Variants in GRB14 observed in about 807,000 individuals in gnomAD.
GRB14 encodes growth factor receptor bound protein 14, also known as growth factor receptor-bound protein 14.
Under a neutral mutation model 69.1 loss-of-function variants are expected in GRB14, and 38 were observed. That is an observed-to-expected ratio of 0.55 (90% CI 0.42 to 0.72). GRB14 has a LOEUF of 0.72. Among genes scored for constraint, GRB14 ranks in the 30% least tolerant of loss-of-function variants. GRB14 has a pLI of 0.00. For synonymous variants in GRB14, 247 were observed against 241.3 expected (o/e 1.02, Z -0.22); for missense variants, 666 against 666.1 (o/e 1.00, Z 0.00).
intron 3 of GRB14, among the ~76,000 whole-genome samples, chr2:164,542,800 A>G (rs1320956360): frequency 6.6e-6 from 1 of 152,222 alleles, no homozygotes; most frequent in Non-Finnish European, 1.5e-5. Flanking sequence ...GTGGAATGTA[A>G]ATTAGTTCAG....
intron 13 of GRB14, 64 bp from the exon 14 acceptor site, chr2:164,493,246 G>T: frequency 2.7e-6 from 4 of 1,457,460 alleles, no homozygotes; most frequent in South Asian, 1.3e-5. Flanking sequence ...AATCATATTC[G>T]ATTGCAAACT....
intron 6 of GRB14, among the ~76,000 whole-genome samples, chr2:164,513,292 G>A (rs1687387869): frequency 6.6e-6 from 1 of 151,702 alleles, no homozygotes; most frequent in African/African-American, 2.4e-5. Flanking sequence ...GTAGTGGATT[G>A]AATAGTAGCC....
At chr2:164,556,305 A>T (rs1000709106) in intron 2 of GRB14, among the ~76,000 whole-genome samples, 17 of 152,212 alleles carry the variant, frequency 1.1e-4, no homozygotes, top group Non-Finnish European at 2.1e-4. Context: ...AAAACAGTAT[A>T]TAGTTTTGAG....
intron 2 of GRB14, among the ~76,000 whole-genome samples, chr2:164,593,731 AG>A (rs1344800011): frequency 6.6e-6 from 1 of 152,192 alleles, no homozygotes. Flanking sequence ...GTCTCTCGGC[AG>A]GGGCAGAACA....
intron 12 of GRB14, among the ~76,000 whole-genome samples, chr2:164,496,163 A>G (rs1200094180): frequency 6.6e-6 from 1 of 152,208 alleles, no homozygotes; most frequent in Non-Finnish European, 1.5e-5. Context: ...TCAGTATTAA[A>G]TCACCTTGAA....
At position 164,500,803 on chromosome 2, in the gene GRB14, A is replaced by G. The variant is rs538467031; in HGVS notation, c.1104+1452T>C. On this transcript the variant is annotated intron_variant, in intron 9 of 13. Coordinates refer to ENST00000263915, the MANE Select transcript of GRB14 (RefSeq NM_004490.3). Reference sequence around the variant, plus strand: ...CACTGAACAAGGAAAGCTACACTAAACTGTTATCCACATCTAGATCAATAG... The same window carrying G: ...CACTGAACAAGGAAAGCTACACTAAGCTGTTATCCACATCTAGATCAATAG... Among the ~76,000 whole-genome samples the G allele has an allele frequency of 2.0e-3, 299 of 152,200 alleles. 5 individuals are homozygous for G. The highest frequency in any genetic ancestry group is 0.017 in the South Asian group (81 of 4,822).
At chr2:164,568,929 T>C (rs1028562247) in intron 2 of GRB14, among the ~76,000 whole-genome samples, 5 of 152,150 alleles carry the variant, frequency 3.3e-5, no homozygotes, top group African/African-American at 7.2e-5. Context: ...TTCTATGGTA[T>C]AATAAAAGAG....
In GRB14 at chr2:164,515,511, G is replaced by A. The variant is rs117543520; in HGVS notation, c.816+6469C>T. On this transcript the variant is annotated intron_variant, in intron 6 of 13. Coordinates refer to ENST00000263915, the MANE Select transcript of GRB14 (RefSeq NM_004490.3). ...AGGAAGCCACATCCCTAGGGGAAGA[G>A]GGAGAGCACCATATTAAGGGAGCAC... Among the ~76,000 whole-genome samples the A allele has an allele frequency of 1.4e-3, 207 of 152,284 alleles. 6 individuals are homozygous for A. The East Asian group carries it at 0.033, about 24-fold the overall frequency.
intron 1 of GRB14, chr2:164,620,086 C>A (rs1188073327): frequency 1.2e-5 from 3 of 243,244 alleles, no homozygotes; most frequent in East Asian, 7.2e-5. Context: ...CCTCCCCCCC[C>A]CACCGCCTTC....
At chr2:164,527,452 A>C (rs971662844) in intron 3 of GRB14, among the ~76,000 whole-genome samples, 1 of 151,696 alleles carries the variant, frequency 6.6e-6, no homozygotes, top group South Asian at 2.1e-4. Flanking sequence ...TGTAAATAAT[A>C]TAAGTTTGAT....
At chr2:164,578,587 T>C (rs1447557085) in intron 2 of GRB14, among the ~76,000 whole-genome samples, 1 of 147,944 alleles carries the variant, frequency 6.8e-6, no homozygotes. Flanking sequence ...AAAAAGATAA[T>C]CTCATCAGTG....
chr2:164,612,240 T>C (rs6755113), intron 2 of GRB14, among the ~76,000 whole-genome samples: 117,483 of 152,152 alleles, frequency 0.77, 46,017 homozygotes, highest in Admixed American at 0.82. Flanking sequence ...CCACTGCATG[T>C]AACAATACGT....
At chr2:164,532,984 A>T (rs1351811672) in intron 3 of GRB14, among the ~76,000 whole-genome samples, 2 of 152,026 alleles carry the variant, frequency 1.3e-5, no homozygotes, top group Non-Finnish European at 2.9e-5. Flanking sequence ...TGGATGGTGT[A>T]GGTCCCAAGT....
At chr2:164,589,549 G>A (rs74557800) in intron 2 of GRB14, among the ~76,000 whole-genome samples, 1 of 152,080 alleles carries the variant, frequency 6.6e-6, no homozygotes, top group Non-Finnish European at 1.5e-5. Context: ...GGAAGCAAGA[G>A]AGAGAAAGGA....
intron 2 of GRB14, among the ~76,000 whole-genome samples, chr2:164,582,768 G>C (rs140720490): frequency 8.9e-4 from 136 of 152,172 alleles, no homozygotes; most frequent in Middle Eastern, 3.4e-3. Context: ...GGAACCTTCA[G>C]GTCTCCATAA....
At chr2:164,535,906 C>T (rs1039663275) in intron 3 of GRB14, among the ~76,000 whole-genome samples, 2 of 152,178 alleles carry the variant, frequency 1.3e-5, no homozygotes, top group African/African-American at 4.8e-5. Flanking sequence ...TTAACTCCGA[C>T]CCAACCATTG....
intron 6 of GRB14, among the ~76,000 whole-genome samples, chr2:164,517,872 T>A (rs958357984): frequency 6.6e-6 from 1 of 152,142 alleles, no homozygotes; most frequent in Admixed American, 6.5e-5. Flanking sequence ...TATAAAACAA[T>A]TTCTACTAGA....
At chr2:164,591,502 G>C (rs1351893314) in intron 2 of GRB14, among the ~76,000 whole-genome samples, 2 of 152,080 alleles carry the variant, frequency 1.3e-5, no homozygotes, top group African/African-American at 4.8e-5. Context: ...AAGGGAAAAG[G>C]CTATTCTGTT....
At chr2:164,544,430 G>T (rs1244556368) in intron 3 of GRB14, among the ~76,000 whole-genome samples, 1 of 151,994 alleles carries the variant, frequency 6.6e-6, no homozygotes, top group African/African-American at 2.4e-5. Flanking sequence ...CCCCCCGAAA[G>T]AAAAATTTAA....
Sources: gnomAD v4.1 joint callset for allele counts (sites outside exome capture counted in the v4.1 genomes callset) on GRCh38, gnomAD v4.1.1 for gene constraint, MANE v1.5 for transcripts, NCBI Gene and HGNC (gene_info 2026-07-23, HGNC 2026-07-21) for gene names.